PID1: variants seen among roughly 807,000 people sequenced by gnomAD.
PID1 encodes the protein phosphotyrosine interaction domain containing 1, also known as PTB-containing, cubilin and LRP1-interacting protein.
In PID1, 10 loss-of-function variants were observed where a neutral mutation model predicts 19.1. That is an observed-to-expected ratio of 0.52 (90% CI 0.32 to 0.89). The LOEUF is 0.89. Ranked by LOEUF, PID1 falls within the 40% of genes least tolerant of loss-of-function variation. The probability of loss-of-function intolerance (pLI) is 0.03; values close to 1 mark genes in which losing one functional copy is unlikely to be tolerated. For missense variants in PID1, 248 were observed against 285.3 expected (o/e 0.87, Z 0.94); for synonymous variants, 130 against 116.0 (o/e 1.12, Z -0.78).
At chr2:229,069,279 C>T (rs868509366) in intron 2 of PID1, among the ~76,000 whole-genome samples, 17 of 151,708 alleles carry the variant, frequency 1.1e-4, no homozygotes, top group African/African-American at 3.9e-4. Flanking sequence ...CAGCTGAGGA[C>T]ATTAAAAAAT....
intron 2 of PID1, among the ~76,000 whole-genome samples, chr2:229,087,541 A>C (rs900645670): frequency 4.6e-5 from 7 of 152,220 alleles, no homozygotes; most frequent in African/African-American, 1.7e-4. Context: ...AAAACTCAGC[A>C]GCCTTTATGT....
chr2:229,042,391 A>AT (rs1304533138), intron 2 of PID1, among the ~76,000 whole-genome samples: 1 of 152,182 alleles, frequency 6.6e-6, no homozygotes, highest in African/African-American at 2.4e-5. Flanking sequence ...AAAGATGAAG[A>AT]TTTTCATGAG....
chr2:229,048,139 A>C (rs1574583712), intron 2 of PID1, among the ~76,000 whole-genome samples: 1 of 152,300 alleles, frequency 6.6e-6, no homozygotes, highest in Non-Finnish European at 1.5e-5. Flanking sequence ...GGTGTGAATA[A>C]ATCAGTTACA....
At chr2:229,218,341 A>G (rs1691894148) in intron 1 of PID1, among the ~76,000 whole-genome samples, 1 of 151,826 alleles carries the variant, frequency 6.6e-6, no homozygotes, top group African/African-American at 2.4e-5. Flanking sequence ...GAAATATAGA[A>G]AAGAAATCAC....
chr2:229,160,715 G>C (rs569770331), intron 1 of PID1, among the ~76,000 whole-genome samples: 1 of 152,296 alleles, frequency 6.6e-6, no homozygotes, highest in African/African-American at 2.4e-5. Flanking sequence ...AGGTGAAACA[G>C]AGAAAATGAT....
intron 2 of PID1, among the ~76,000 whole-genome samples, chr2:229,136,902 T>C (rs1451062978): frequency 3.3e-5 from 5 of 152,198 alleles, no homozygotes; most frequent in Non-Finnish European, 7.3e-5. Flanking sequence ...CCACGTATCT[T>C]TATGGTAAAC....
At chr2:229,153,247 G>A (rs1257080693) in intron 2 of PID1, among the ~76,000 whole-genome samples, 5 of 152,336 alleles carry the variant, frequency 3.3e-5, no homozygotes, top group African/African-American at 1.2e-4. Flanking sequence ...AAACTTAAGT[G>A]TATTCTGTCA....
chr2:229,129,255 A>T (rs1050286656), intron 2 of PID1, among the ~76,000 whole-genome samples: 8 of 152,032 alleles, frequency 5.3e-5, no homozygotes, highest in Non-Finnish European at 7.4e-5. Context: ...TCTACTAAAA[A>T]TACAAAAAAT....
intron 1 of PID1, among the ~76,000 whole-genome samples, chr2:229,193,539 G>T (rs116040626): frequency 0.013 from 1,954 of 152,192 alleles, 48 homozygotes; most frequent in African/African-American, 0.045. Flanking sequence ...TTCAAGCATT[G>T]TTAGTCTACC....
intron 2 of PID1, among the ~76,000 whole-genome samples, chr2:229,124,772 T>C (rs1029839996): frequency 6.6e-6 from 1 of 152,206 alleles, no homozygotes; most frequent in South Asian, 2.1e-4. Context: ...TCAAATTATA[T>C]TGTGCTAGTT....
intron 2 of PID1, among the ~76,000 whole-genome samples, chr2:229,047,940 A>AG (rs1693916336): frequency 6.6e-6 from 1 of 152,056 alleles, no homozygotes; most frequent in African/African-American, 2.4e-5. Context: ...AATCACAAAA[A>AG]AAGAAAAGCA....
chr2:229,038,591 T>C (rs1226726410), intron 2 of PID1, among the ~76,000 whole-genome samples: 1 of 152,224 alleles, frequency 6.6e-6, no homozygotes, highest in Non-Finnish European at 1.5e-5. Context: ...TTCTGATCAA[T>C]GGATATTAAT....
chr2:229,202,296 T>C (rs750372905), intron 1 of PID1, among the ~76,000 whole-genome samples: 21 of 152,108 alleles, frequency 1.4e-4, no homozygotes, highest in Non-Finnish European at 2.9e-4. Flanking sequence ...GAAGAAGCTA[T>C]GAATCCAGGG....
At chr2:229,192,121 T>A (rs1403684624) in intron 1 of PID1, among the ~76,000 whole-genome samples, 1 of 152,008 alleles carries the variant, frequency 6.6e-6, no homozygotes, top group Non-Finnish European at 1.5e-5. Flanking sequence ...ACCAAAAAAA[T>A]ACAGAAAATG....
At chr2:229,182,855 A>G (rs1690976701) in intron 1 of PID1, among the ~76,000 whole-genome samples, 1 of 152,208 alleles carries the variant, frequency 6.6e-6, no homozygotes, top group African/African-American at 2.4e-5. Context: ...TTAACCCCCA[A>G]GTGGGCAGTT....
intron 1 of PID1, among the ~76,000 whole-genome samples, chr2:229,197,811 A>C (rs1691409353): frequency 6.6e-6 from 1 of 152,036 alleles, no homozygotes. Context: ...TCTTCAAGCA[A>C]TGGAATGTTG....
chr2:229,108,955 A>G (rs1205005370), intron 2 of PID1, among the ~76,000 whole-genome samples: 1 of 152,228 alleles, frequency 6.6e-6, no homozygotes, highest in Non-Finnish European at 1.5e-5. Flanking sequence ...TACTTCTAAA[A>G]GGCAAAATGC....
chr2:229,220,753 T>C (rs1374590009), intron 1 of PID1, among the ~76,000 whole-genome samples: 1 of 152,202 alleles, frequency 6.6e-6, no homozygotes, highest in Non-Finnish European at 1.5e-5. Flanking sequence ...TGTTACAGGT[T>C]TTTATTCCCT....
chr2:229,262,144 C>A (rs984674563), intron 1 of PID1, among the ~76,000 whole-genome samples: 4 of 152,194 alleles, frequency 2.6e-5, no homozygotes, highest in African/African-American at 7.2e-5. Context: ...GGGACTCTGA[C>A]AACCTAGTTT....
Sources: allele counts gnomAD v4.1 joint callset (sites outside exome capture counted in the v4.1 genomes callset), GRCh38; gene constraint gnomAD v4.1.1; transcripts MANE v1.5; gene names NCBI Gene and HGNC (gene_info 2026-07-23, HGNC 2026-07-21).